The following PGBD1 variants were observed in gnomAD, a reference collection of about 807,000 sequenced individuals.
PGBD1 encodes the protein piggyBac transposable element derived 1, also known as piggyBac transposable element-derived protein 1.
PGBD1 carries 25 observed loss-of-function variants against 34.7 expected under a neutral mutation model. The observed-to-expected ratio is 0.72, with a 90% CI of 0.52 to 1.00. The LOEUF is 1.00. Among genes scored for constraint, PGBD1 ranks in the 50% least tolerant of loss-of-function variants. The pLI is 0.00. For missense variants in PGBD1, 830 were observed against 959.4 expected, an observed-to-expected ratio of 0.87 and a Z score of 1.78; for synonymous variants, 292 against 335.7, an observed-to-expected ratio of 0.87 and a Z score of 1.42.
At chr6:28,295,509 A>G (rs1266878982) in intron 4 of PGBD1, among the ~76,000 whole-genome samples, 2 of 152,214 alleles carry the variant, frequency 1.3e-5, no homozygotes, top group African/African-American at 2.4e-5. Flanking sequence ...AGCAACTGCC[A>G]CAGCCACCGA....
chr6:28,298,749 A>G (rs1762733621), intron 6 of PGBD1, among the ~76,000 whole-genome samples: 1 of 152,100 alleles, frequency 6.6e-6, no homozygotes, highest in African/African-American at 2.4e-5. Context: ...AGATACTCCT[A>G]TGCAAAGCAA....
chr6:28,301,142 G>A lies in PGBD1; in HGVS notation c.1288G>A (p.Glu430Lys), dbSNP rs988955042. 3 of 1,613,984 alleles carry A rather than the reference G, an allele frequency of 1.9e-6. No individual in the cohort carries two copies. The African/African-American group carries it at 4.0e-5, about 22-fold the overall frequency. ...GCTTTTTGAATTATTTTTTGATGATGAAACATTCAACTTAATTGTCAATGA... is the reference window on the plus strand; with the variant it reads ...GCTTTTTGAATTATTTTTTGATGATAAAACATTCAACTTAATTGTCAATGA... The part of the protein sequence containing the change: ...VELFELFFDD[E>K]TFNLIVNETN... The change falls in exon 7 of 7, where the codon GAA becomes AAA. Residue 430 changes from glutamate (E) to lysine (K), a missense_variant. This residue lies in a region of PGBD1 where 457 missense variants were observed against 515.4 expected (regional missense o/e 0.89). Transcript: ENST00000682144.
At chr6:28,296,562 G>A (rs971474230) in intron 4 of PGBD1, among the ~76,000 whole-genome samples, 1 of 152,168 alleles carries the variant, frequency 6.6e-6, no homozygotes, top group African/African-American at 2.4e-5. Flanking sequence ...TGCAGGATGT[G>A]GAAGAATTCT....
chr6:28,295,336 C>T (rs1762594912), intron 4 of PGBD1, among the ~76,000 whole-genome samples: 2 of 152,144 alleles, frequency 1.3e-5, no homozygotes, highest in South Asian at 4.1e-4. Flanking sequence ...ATTAAATAAA[C>T]GTAGTTGATA....
At chr6:28,291,550 CAA>C (rs56160771) in intron 4 of PGBD1, among the ~76,000 whole-genome samples, 5,624 of 120,574 alleles carry the variant, frequency 0.047, 119 homozygotes, top group Middle Eastern at 0.11. Context: ...TCAAATTCTT[CAA>C]AAAAAAAAAA....
intron 3 of PGBD1, 94 bp from the exon 4 acceptor site, chr6:28,286,986 A>G (rs1458636456): frequency 3.2e-6 from 3 of 924,174 alleles, no homozygotes; most frequent in Non-Finnish European, 5.3e-6. Context: ...ATGTTTAACA[A>G]ACATAACATT....
Position 28,297,542 on chromosome 6 carries a change from G to A in PGBD1, c.773-353G>A, listed in dbSNP as rs183758986. Among the ~76,000 whole-genome samples, 12 of 152,160 alleles carry A rather than the reference G, an allele frequency of 7.9e-5. No individual in the cohort carries two copies. In the East Asian group the frequency reaches 1.7e-3, roughly 22 times the overall value. On this transcript the variant is annotated intron_variant, in intron 5 of 6. Transcript: ENST00000682144. The stretch of plus-strand genomic sequence containing the variant: ...CACCCAGGTAATTTTTTGTAGACAC[G>A]GAGTCTCGCTATGTTGCCCAGGCTG...
chr6:28,291,016 A>C (rs757744833), intron 4 of PGBD1, among the ~76,000 whole-genome samples: 1 of 151,936 alleles, frequency 6.6e-6, no homozygotes, highest in Non-Finnish European at 1.5e-5. Flanking sequence ...CATCAAATGC[A>C]CAACCTAATG....
rs535677969 is a variant in PGBD1 at position 28,294,324 on chromosome 6, G to T, written c.643-2492G>T. 3.3e-5 allele frequency among the ~76,000 whole-genome samples: 5 copies of T among 152,328 alleles called. No homozygotes were observed. In the South Asian group the frequency reaches 1.0e-3, roughly 32 times the overall value. ...AAGGAAGAAGCCATCTCTATAAAAT[G>T]CATCAGCAACAAGTGCTGATGCAGA... On this transcript the variant is annotated intron_variant, in intron 4 of 6. Coordinates refer to ENST00000682144, the MANE Select transcript of PGBD1 (RefSeq NM_032507.4).
intron 5 of PGBD1, among the ~76,000 whole-genome samples, chr6:28,297,620 C>T (rs1375203670): frequency 6.7e-6 from 1 of 150,014 alleles, no homozygotes; most frequent in African/African-American, 2.5e-5. Flanking sequence ...CCCAAAGCAC[C>T]CAGCCTAATT....
At position 28,302,175 on chromosome 6, in the gene PGBD1, C is replaced by G; in HGVS notation, c.2321C>G (p.Ala774Gly). ...ATGATTGATGTAGCCATGAACAATG[C>G]ATGGCAACTACACAGAGCCTGTAAC... Reference protein sequence around the residue: ...SYMIDVAMNNAWQLHRACNPG... With the variant: ...SYMIDVAMNNGWQLHRACNPG... The change falls in exon 7 of 7, where the codon GCA becomes GGA. Residue 774 changes from alanine to glycine, a missense_variant. Physicochemically the swap from Ala to Gly is moderately conservative, Grantham distance 60. Coordinates refer to ENST00000682144, the MANE Select transcript of PGBD1 (RefSeq NM_032507.4). The G allele has an allele frequency of 1.2e-6, 2 of 1,614,150 alleles. No individual in the cohort carries two copies. The highest frequency in any genetic ancestry group is 1.7e-6 in the Non-Finnish European group (2 of 1,180,018).
chr6:28,287,263 G>C (rs1150721), intron 4 of PGBD1, 95 bp downstream of exon 4: 424,949 of 1,057,020 alleles, frequency 0.4, 97,420 homozygotes, highest in African/African-American at 0.87. Flanking sequence ...ACTCATCATC[G>C]TGAGAGCCAT....
chr6:28,287,986 GA>G (rs1423992300), intron 4 of PGBD1, among the ~76,000 whole-genome samples: 7 of 152,226 alleles, frequency 4.6e-5, no homozygotes, highest in South Asian at 2.1e-4. Flanking sequence ...GCAAGTGCTT[GA>G]TGTGATTATA....
intron 4 of PGBD1, among the ~76,000 whole-genome samples, chr6:28,288,845 G>A (rs1150719): frequency 0.23 from 34,441 of 151,772 alleles, 4,927 homozygotes; most frequent in African/African-American, 0.4. Flanking sequence ...AAAAAAAGGA[G>A]CCAGGTGTGG....
Position 28,296,397 on chromosome 6 carries a change from A to G in PGBD1, c.643-419A>G, listed in dbSNP as rs952760965. 2.0e-5 allele frequency among the ~76,000 whole-genome samples: 3 copies of G among 152,224 alleles called. 1 individual carries two copies. Reference sequence around the variant, plus strand: ...TCCAAGTGAGTCAACTTTTGTGACAATGTCTTTAATCGATGTAAGCTTCCT... The same window carrying G: ...TCCAAGTGAGTCAACTTTTGTGACAGTGTCTTTAATCGATGTAAGCTTCCT... On this transcript the variant is annotated intron_variant, in intron 4 of 6. Transcript: ENST00000682144.
chr6:28,297,648 G>GAA (rs1762685927), intron 5 of PGBD1, among the ~76,000 whole-genome samples: 1 of 152,046 alleles, frequency 6.6e-6, no homozygotes, highest in Non-Finnish European at 1.5e-5. Context: ...AATGTGCTCT[G>GAA]CCCTGTTGGG....
intron 1 of PGBD1, among the ~76,000 whole-genome samples, chr6:28,282,200 G>T (rs183048917): frequency 6.6e-6 from 1 of 152,204 alleles, no homozygotes; most frequent in South Asian, 2.1e-4. Context: ...GAAAAAAATT[G>T]AGTACTTAGC....
chr6:28,283,701 T>A (rs545508746), intron 1 of PGBD1, 75 bp from the exon 2 acceptor site: 3 of 1,352,666 alleles, frequency 2.2e-6, no homozygotes, highest in Admixed American at 4.7e-5. Flanking sequence ...GTAGGTTACA[T>A]ACAGTTTTGA....
At chr6:28,288,208 T>C (rs1762345633) in intron 4 of PGBD1, among the ~76,000 whole-genome samples, 1 of 152,148 alleles carries the variant, frequency 6.6e-6, no homozygotes, top group Non-Finnish European at 1.5e-5. Context: ...ATGTTGTAAA[T>C]TGAATTATGT....
Sources: gnomAD v4.1 joint callset for allele counts (sites outside exome capture counted in the v4.1 genomes callset) on GRCh38, gnomAD v4.1.1 for gene constraint, gnomAD v4.1.1 regional missense constraint, MANE v1.5 for transcripts, NCBI Gene and HGNC (gene_info 2026-07-23, HGNC 2026-07-21) for gene names.